The following ZNF813 variants were observed in gnomAD, a reference collection of about 807,000 sequenced individuals.
ZNF813 encodes zinc finger protein 813.
In ZNF813, 3 loss-of-function variants were observed where a neutral mutation model predicts 7.2. The ratio of observed to expected loss-of-function variants is 0.42; its 90% confidence interval spans 0.19 to 1.08. ZNF813 has a LOEUF of 1.08. Among genes scored for constraint, ZNF813 ranks in the 50% least tolerant of loss-of-function variants. ZNF813 has a pLI of 0.30. For synonymous variants in ZNF813, 227 were observed against 256.3 expected (o/e 0.89, Z 1.09); for missense variants, 714 against 753.3 (o/e 0.95, Z 0.61).
At position 53,492,210 on chromosome 19, in the gene ZNF813, A is replaced by C; in HGVS notation, c.*124A>C. 1 of 1,449,396 alleles carries C rather than the reference A, an allele frequency of 6.9e-7. No homozygotes were observed. The highest frequency in any genetic ancestry group is 9.3e-7 in the Non-Finnish European group (1 of 1,072,642). The allele number at this position is 1,449,396 out of a possible 1,614,324, so 89.8% of individuals were successfully genotyped here. On this transcript the variant is annotated 3_prime_UTR_variant, in exon 4 of 4. Coordinates refer to ENST00000396403, the MANE Select transcript of ZNF813 (RefSeq NM_001004301.4). ...ATAAGAATTCATACTGGAGAGAAAC[A>C]AGTGTAATGAACGTTGCAAAATTTT...
At chr19:53,483,238 G>T (rs1036949681) in intron 1 of ZNF813, among the ~76,000 whole-genome samples, 2 of 152,082 alleles carry the variant, frequency 1.3e-5, no homozygotes, top group Non-Finnish European at 2.9e-5. Context: ...TAGAGACAGG[G>T]TTTCACCATG....
At chr19:53,481,004 G>T (rs891294640) in intron 1 of ZNF813, among the ~76,000 whole-genome samples, 4 of 152,216 alleles carry the variant, frequency 2.6e-5, no homozygotes, top group African/African-American at 9.6e-5. Context: ...ATCAAACAAA[G>T]AAGCAGGTGG....
chr19:53,488,770 A>T (rs1254074622), intron 3 of ZNF813, among the ~76,000 whole-genome samples: 1 of 151,956 alleles, frequency 6.6e-6, no homozygotes, highest in African/African-American at 2.4e-5. Context: ...GACCTCATAA[A>T]TTAACATGTA....
intron 1 of ZNF813, among the ~76,000 whole-genome samples, chr19:53,468,236 T>G (rs868242402): frequency 2.6e-5 from 1 of 38,456 alleles, no homozygotes; most frequent in Non-Finnish European, 5.6e-5. Context: ...CCCCCCCACC[T>G]CCCTCCTCCT....
intron 1 of ZNF813, 22 bp from the exon 2 acceptor site, chr19:53,483,728 A>G (rs569371827): frequency 5.4e-5 from 86 of 1,598,762 alleles, no homozygotes; most frequent in Non-Finnish European, 7.2e-5. Context: ...TGAGCAATAA[A>G]CAACATATTT....
chr19:53,473,698 T>G (rs766832880), intron 1 of ZNF813, among the ~76,000 whole-genome samples: 7 of 152,242 alleles, frequency 4.6e-5, no homozygotes, highest in Non-Finnish European at 1.0e-4. Context: ...TTATCGGCAT[T>G]CTTTCTCATA....
chr19:53,488,671 AG>A (rs1362825954), intron 3 of ZNF813, among the ~76,000 whole-genome samples: 1 of 150,512 alleles, frequency 6.6e-6, no homozygotes, highest in Admixed American at 6.6e-5. Context: ...CTCCTGCCTC[AG>A]CCTGCCAAAG....
At position 53,490,842 on chromosome 19, in the gene ZNF813, C is replaced by CA; in HGVS notation, c.615dup (p.Gln206ThrfsTer13). The CA allele has an allele frequency of 1.2e-6, 2 of 1,614,110 alleles. No individual in the cohort carries two copies. The highest frequency in any genetic ancestry group is 1.7e-6 in the Non-Finnish European group (2 of 1,180,008). On this transcript the variant is annotated frameshift_variant, in exon 4 of 4. Transcript: ENST00000396403. LOFTEE classifies it low-confidence loss of function (END_TRUNC). ...TTTCCGGAATTCTTCGTTACTCACA[C>CA]AAAAACAGGAGGTACACATGAGAGA...
rs2086397819 is a variant in ZNF813 at position 53,479,607 on chromosome 19, T to A, written c.-73-4143T>A. 4 of 1,211,706 alleles carry A rather than the reference T, an allele frequency of 3.3e-6. No homozygotes were observed. In the East Asian group the frequency reaches 9.5e-5, roughly 29 times the overall value. The allele number at this position is 1,211,706 out of a possible 1,614,324, so 75.1% of individuals were successfully genotyped here. On this transcript the variant is annotated intron_variant, in intron 1 of 3. Transcript: ENST00000396403. ...AAGCGGGAAAAGCTGCTGATGAGAG[T>A]GAGAGAGATACAAAGGTTATTGAAA...
intron 1 of ZNF813, among the ~76,000 whole-genome samples, chr19:53,477,318 G>A (rs574552492): frequency 9.9e-5 from 15 of 152,100 alleles, no homozygotes; most frequent in Non-Finnish European, 2.2e-4. Flanking sequence ...CTTTCTGAAC[G>A]CTTGCAGATG....
rs1209308991 is a variant in ZNF813 at position 53,492,596 on chromosome 19, A to T, written c.*510A>T. On this transcript the variant is annotated 3_prime_UTR_variant, in exon 4 of 4. Transcript: ENST00000396403. ...AATGAGCAGTCAACACTTACTCACCATCAGGCAATCCATGGTGAAGGAAAC... is the reference window on the plus strand; with the variant it reads ...AATGAGCAGTCAACACTTACTCACCTTCAGGCAATCCATGGTGAAGGAAAC... The T allele has an allele frequency of 1.5e-6, 1 of 647,362 alleles. No homozygotes were observed. Among genetic ancestry groups the T allele is most frequent in the Non-Finnish European group, 2.7e-6 (1 of 367,882 alleles). 40.1% of individuals were successfully genotyped at this position (647,362 alleles called of 1,614,324 possible).
At chr19:53,474,757 T>A (rs12459606) in intron 1 of ZNF813, among the ~76,000 whole-genome samples, 9,458 of 152,244 alleles carry the variant, frequency 0.062, 336 homozygotes, top group East Asian at 0.17. Context: ...AGTTTCTTGA[T>A]GAGTTTGCTT....
In ZNF813 at chr19:53,480,315, T is replaced by G. The variant is rs144544421; in HGVS notation, c.-73-3435T>G. The stretch of plus-strand genomic sequence containing the variant: ...GGCTGAGAACCTTTGCAAACAACAT[T>G]TAAGGGAATGTGAGCCCAATGCATG... On this transcript the variant is annotated intron_variant, in intron 1 of 3. Coordinates refer to ENST00000396403, the MANE Select transcript of ZNF813 (RefSeq NM_001004301.4). The G allele has an allele frequency of 1.4e-3, 940 of 688,234 alleles. 3 individuals carry two copies. In the African/African-American group the frequency reaches 0.015, roughly 11 times the overall value. 42.6% of individuals were successfully genotyped at this position (688,234 alleles called of 1,614,324 possible).
chr19:53,472,842 C>T lies in ZNF813; in HGVS notation c.-74+5053C>T, dbSNP rs572987421. Among the ~76,000 whole-genome samples the T allele has an allele frequency of 3.2e-4, 49 of 152,160 alleles. No homozygotes were observed. In the South Asian group the frequency reaches 8.9e-3, roughly 28 times the overall value. On this transcript the variant is annotated intron_variant, in intron 1 of 3. Transcript: ENST00000396403. Reference sequence around the variant, plus strand: ...GGTGTGGCTGGTCTCGAACTCCCGACCTCAGGTGATCCACCTGCCTCGGCC... The same window carrying T: ...GGTGTGGCTGGTCTCGAACTCCCGATCTCAGGTGATCCACCTGCCTCGGCC...
chr19:53,489,567 A>G (rs1387860662), intron 3 of ZNF813, among the ~76,000 whole-genome samples: 2 of 152,046 alleles, frequency 1.3e-5, no homozygotes, highest in East Asian at 3.9e-4. Flanking sequence ...GGGCCATAGC[A>G]CTCCAGCCTG....
At chr19:53,473,919 G>A (rs11669491) in intron 1 of ZNF813, among the ~76,000 whole-genome samples, 2 of 151,994 alleles carry the variant, frequency 1.3e-5, no homozygotes, top group South Asian at 2.1e-4. Context: ...CTTATCTCAG[G>A]TGAGTTTCTT....
chr19:53,487,408 T>TTTTG (rs1373754727), intron 3 of ZNF813, among the ~76,000 whole-genome samples: 4 of 152,196 alleles, frequency 2.6e-5, no homozygotes, highest in Non-Finnish European at 4.4e-5. Flanking sequence ...TATTTACTTT[T>TTTTG]TTTGTTTGTT....
chr19:53,482,693 C>T lies in ZNF813; in HGVS notation c.-73-1057C>T, dbSNP rs943789290. Among the ~76,000 whole-genome samples the T allele has an allele frequency of 1.6e-4, 23 of 141,944 alleles. 2 individuals are homozygous for T. The highest frequency in any genetic ancestry group is 1.3e-3 in the Admixed American group (18 of 14,176). The allele number at this position is 141,944 out of a possible 152,430, so 93.1% of individuals were successfully genotyped here. Reference sequence around the variant, plus strand: ...CAGGTTCTATTATCTCTGCATCAATCACATCAGGAATGCTTTTTGTTTTTT... The same window carrying T: ...CAGGTTCTATTATCTCTGCATCAATTACATCAGGAATGCTTTTTGTTTTTT... On this transcript the variant is annotated intron_variant, in intron 1 of 3. Coordinates refer to ENST00000396403, the MANE Select transcript of ZNF813 (RefSeq NM_001004301.4).
chr19:53,475,299 T>C (rs2086376883), intron 1 of ZNF813, among the ~76,000 whole-genome samples: 1 of 152,290 alleles, frequency 6.6e-6, no homozygotes, highest in Non-Finnish European at 1.5e-5. Flanking sequence ...GAGCCTCTAC[T>C]ACTGAGTCTG....
Sources: gnomAD v4.1 joint callset for allele counts (sites outside exome capture counted in the v4.1 genomes callset) on GRCh38, gnomAD v4.1.1 for gene constraint, MANE v1.5 for transcripts, NCBI Gene and HGNC (gene_info 2026-07-23, HGNC 2026-07-21) for gene names.